Variants in LANCL1 observed in about 807,000 individuals in gnomAD.
The protein encoded by LANCL1 is LanC like glutathione S-transferase 1, also known as glutathione S-transferase LANCL1.
LANCL1 carries 50 observed loss-of-function variants against 50.6 expected under a neutral mutation model. The ratio of observed to expected loss-of-function variants is 0.99; its 90% CI spans 0.79 to 1.25. LANCL1 has a LOEUF of 1.25. LANCL1 is among the 50% of genes most tolerant of loss of function. The pLI, the probability that LANCL1 is intolerant of heterozygous loss-of-function variation, is 0.00. For synonymous variants in LANCL1, 188 were observed against 178.6 expected, an observed-to-expected ratio of 1.05 and a Z score of -0.42; for missense variants, 532 against 480.7, an observed-to-expected ratio of 1.11 and a Z score of -1.00.
intron 3 of LANCL1, among the ~76,000 whole-genome samples, chr2:210,463,500 G>A (rs1476103162): frequency 2.6e-5 from 4 of 152,182 alleles, no homozygotes; most frequent in African/African-American, 9.6e-5. Context: ...GATGTTAACT[G>A]CAGTAACATT....
intron 4 of LANCL1, among the ~76,000 whole-genome samples, chr2:210,445,118 T>C (rs1693273920): frequency 6.6e-6 from 1 of 151,974 alleles, no homozygotes; most frequent in Non-Finnish European, 1.5e-5. Context: ...TAAAGTACTT[T>C]TGACTTACTT....
intron 5 of LANCL1, 96 bp from the exon 6 acceptor site, chr2:210,440,840 T>C (rs1693106601): frequency 2.3e-5 from 25 of 1,099,074 alleles, no homozygotes; most frequent in Non-Finnish European, 3.2e-5. Flanking sequence ...CTGGGGAACA[T>C]GACAAATTAG....
At chr2:210,452,933 G>T (rs1317495802) in intron 4 of LANCL1, among the ~76,000 whole-genome samples, 1 of 152,104 alleles carries the variant, frequency 6.6e-6, no homozygotes, top group Admixed American at 6.6e-5. Context: ...AAAGTTAAAG[G>T]AGGTTTACTA....
At position 210,443,082 on chromosome 2, in the gene LANCL1, CAT is replaced by C. The variant is rs1362912887; in HGVS notation, c.408-1641_408-1640del. On this transcript the variant is annotated intron_variant, in intron 4 of 9. Coordinates refer to ENST00000450366, the MANE Select transcript of LANCL1 (RefSeq NM_006055.3). ...CACATCACCTGGCCCCAGATGCATG[CAT>C]AGTCATAGACATGGCACAGCAGGGT... is the stretch of plus-strand genomic sequence containing the variant. 2.6e-5 allele frequency among the ~76,000 whole-genome samples: 4 copies of C among 152,174 alleles called. No individual in the cohort carries two copies. The South Asian group carries it at 6.2e-4, about 24-fold the overall frequency.
chr2:210,459,735 T>TG, intron 3 of LANCL1, among the ~76,000 whole-genome samples: 1 of 122,276 alleles, frequency 8.2e-6, no homozygotes, highest in East Asian at 2.2e-4. Flanking sequence ...TGATAACTAT[T>TG]AAAAACAAAC....
intron 4 of LANCL1, among the ~76,000 whole-genome samples, chr2:210,454,227 C>T (rs1181762957): frequency 9.3e-5 from 2 of 21,604 alleles, no homozygotes; most frequent in Non-Finnish European, 1.5e-4. Flanking sequence ...CATACACACA[C>T]ACACACACAC....
At chr2:210,472,101 T>C in intron 2 of LANCL1, 25 bp from the exon 3 acceptor site, 3 of 1,516,446 alleles carry the variant, frequency 2.0e-6, no homozygotes, top group Non-Finnish European at 2.7e-6. Context: ...AAAACAAGTA[T>C]CAAAATAATG....
At chr2:210,442,221 A>T (rs1693162308) in intron 4 of LANCL1, among the ~76,000 whole-genome samples, 2 of 152,112 alleles carry the variant, frequency 1.3e-5, no homozygotes, top group Non-Finnish European at 2.9e-5. Context: ...GCAAATATTA[A>T]TAGTACAAGA....
chr2:210,438,916 G>A (rs1181874074), intron 6 of LANCL1, among the ~76,000 whole-genome samples: 1 of 152,162 alleles, frequency 6.6e-6, no homozygotes, highest in Non-Finnish European at 1.5e-5. Flanking sequence ...ACTAGGCAAG[G>A]TGTGGGGCAT....
At chr2:210,453,567 TA>T (rs1489958216) in intron 4 of LANCL1, among the ~76,000 whole-genome samples, 2 of 152,226 alleles carry the variant, frequency 1.3e-5, no homozygotes, top group Non-Finnish European at 2.9e-5. Context: ...AGCAAACTAT[TA>T]AAATGTGGCT....
In LANCL1 at chr2:210,448,461, C is replaced by T. The variant is rs550675486; in HGVS notation, c.407+6646G>A. Among the ~76,000 whole-genome samples, 8 of 151,994 alleles carry T rather than the reference C, an allele frequency of 5.3e-5. No homozygotes were observed. In the South Asian group the frequency reaches 1.7e-3, roughly 32 times the overall value. On this transcript the variant is annotated intron_variant, in intron 4 of 9. Transcript: ENST00000450366. ...AAAGAACTAGAGAAGCAATAGCAAACAAATTCAAAAGCTAGCAGAAGACAA... is the reference window on the plus strand; with the variant it reads ...AAAGAACTAGAGAAGCAATAGCAAATAAATTCAAAAGCTAGCAGAAGACAA...
intron 3 of LANCL1, among the ~76,000 whole-genome samples, chr2:210,457,849 G>T (rs1458444543): frequency 1.3e-5 from 2 of 152,092 alleles, no homozygotes; most frequent in Non-Finnish European, 2.9e-5. Context: ...GAGAGTAAGT[G>T]GTTTTCCAAA....
At chr2:210,449,842 G>C (rs1693457993) in intron 4 of LANCL1, among the ~76,000 whole-genome samples, 3 of 152,290 alleles carry the variant, frequency 2.0e-5, no homozygotes, top group Middle Eastern at 6.8e-3. Flanking sequence ...GAAAATAACA[G>C]AGGACACAAA....
At chr2:210,472,148 G>T in intron 2 of LANCL1, 72 bp from the exon 3 acceptor site, 1 of 979,300 alleles carries the variant, frequency 1.0e-6, no homozygotes, top group East Asian at 2.4e-5. Flanking sequence ...AGCTATCAAA[G>T]ACAGAAAGGT....
At chr2:210,454,468 A>C (rs1311931563) in intron 4 of LANCL1, among the ~76,000 whole-genome samples, 1 of 152,162 alleles carries the variant, frequency 6.6e-6, no homozygotes, top group Non-Finnish European at 1.5e-5. Context: ...ACCATGGTCA[A>C]CTCAGGGACA....
At chr2:210,467,501 CCCTT>C (rs1434722927) in intron 3 of LANCL1, among the ~76,000 whole-genome samples, 5 of 152,158 alleles carry the variant, frequency 3.3e-5, no homozygotes, top group Non-Finnish European at 4.4e-5. Flanking sequence ...AATGTATTTT[CCCTT>C]CCTTATGATT....
intron 3 of LANCL1, among the ~76,000 whole-genome samples, chr2:210,461,934 T>C (rs1477641710): frequency 6.6e-6 from 1 of 152,230 alleles, no homozygotes; most frequent in Non-Finnish European, 1.5e-5. Flanking sequence ...AGGAATCTTT[T>C]TGATTAAATG....
intron 4 of LANCL1, among the ~76,000 whole-genome samples, chr2:210,452,127 ATAAT>A (rs1693528790): frequency 6.6e-6 from 1 of 152,122 alleles, no homozygotes; most frequent in Non-Finnish European, 1.5e-5. Flanking sequence ...CACTGTGAAT[ATAAT>A]TAATGCCAAT....
chr2:210,432,080 CA>C lies in LANCL1; in HGVS notation c.*2406del, dbSNP rs1248356246. ...AAGAAAAATATCTGAGAGAAAAATACAAACTAGAACTGAAACAATGATGCCA... is the reference window on the plus strand; with the variant it reads ...AAGAAAAATATCTGAGAGAAAAATACAACTAGAACTGAAACAATGATGCCA... On this transcript the variant is annotated 3_prime_UTR_variant, in exon 10 of 10. Transcript: ENST00000450366. 1 of 152,110 alleles carries C rather than the reference CA, an allele frequency of 6.6e-6. No individual in the cohort carries two copies. Among genetic ancestry groups the C allele is most frequent in the Non-Finnish European group, 1.5e-5 (1 of 67,994 alleles). 9.4% of individuals were successfully genotyped at this position (152,110 alleles called of 1,614,324 possible).
Sources: gnomAD v4.1 joint callset for allele counts (sites outside exome capture counted in the v4.1 genomes callset) on GRCh38, gnomAD v4.1.1 for gene constraint, MANE v1.5 for transcripts, NCBI Gene and HGNC (gene_info 2026-07-23, HGNC 2026-07-21) for gene names.